The following TAF4 variants were observed in gnomAD, a reference collection of about 807,000 sequenced individuals.
TAF4 encodes transcription initiation factor TFIID subunit 4.
In TAF4, 9 loss-of-function variants were observed where a neutral mutation model predicts 90.3. The observed-to-expected ratio is 0.10, with a 90% CI of 0.06 to 0.17. The LOEUF is 0.17. Among genes scored for constraint, TAF4 ranks in the 10% least tolerant of loss-of-function variants. The pLI is 1.00. For synonymous variants in TAF4, 818 were observed against 638.9 expected (o/e 1.28, Z -4.23); for missense variants, 1,351 against 1,370.7 (o/e 0.99, Z 0.23).
At chr20:61,985,880 ACACCATCCCCGACCAAAGGAAC>A (rs1220363988) in intron 14 of TAF4, among the ~76,000 whole-genome samples, 7 of 139,534 alleles carry the variant, frequency 5.0e-5, no homozygotes, top group Admixed American at 2.1e-4. Flanking sequence ...ATGGTTCTAA[ACACCATCCCCGACCAAAGGAAC>A]CACCATCCCC....
At chr20:61,996,271 A>ACAGGTGAAGCTGC (rs2055662199) in intron 14 of TAF4, among the ~76,000 whole-genome samples, 1 of 152,074 alleles carries the variant, frequency 6.6e-6, no homozygotes, top group Non-Finnish European at 1.5e-5. Context: ...AGTCCCAGCT[A>ACAGGTGAAGCTGC]CTCGGGAAGC....
At chr20:62,028,715 G>C (rs1292937270) in intron 1 of TAF4, among the ~76,000 whole-genome samples, 2 of 152,212 alleles carry the variant, frequency 1.3e-5, no homozygotes, top group African/African-American at 4.8e-5. Context: ...CTCGTGAGCA[G>C]CCTTCAGTGA....
At chr20:62,000,378 G>C in intron 10 of TAF4, 124 bp from the exon 11 acceptor site, 1 of 1,439,280 alleles carries the variant, frequency 6.9e-7, no homozygotes. Context: ...AAAGGCTGGT[G>C]GGGTGGAAGG....
At chr20:61,978,055 G>A (rs1413991568) in intron 14 of TAF4, among the ~76,000 whole-genome samples, 1 of 130,328 alleles carries the variant, frequency 7.7e-6, no homozygotes, top group Non-Finnish European at 1.7e-5. Context: ...CCAACCAAGG[G>A]AGGGCGCGAC....
At chr20:62,021,313 A>G (rs951477571) in intron 1 of TAF4, among the ~76,000 whole-genome samples, 2 of 152,266 alleles carry the variant, frequency 1.3e-5, no homozygotes, top group Admixed American at 6.5e-5. Flanking sequence ...CTGAACCCCA[A>G]GGAAACAAGG....
intron 14 of TAF4, among the ~76,000 whole-genome samples, chr20:61,990,363 T>A (rs577405167): frequency 4.9e-4 from 75 of 152,324 alleles, no homozygotes; most frequent in African/African-American, 1.5e-3. Flanking sequence ...TTTTCAAAGT[T>A]AATGTATTCT....
At chr20:62,062,764 ACCT>A (rs916835647) in intron 1 of TAF4, among the ~76,000 whole-genome samples, 1 of 152,000 alleles carries the variant, frequency 6.6e-6, no homozygotes, top group African/African-American at 2.4e-5. Context: ...GTATTCCTTC[ACCT>A]CCTCCCAGAA....
At chr20:61,990,795 C>A (rs1645768912) in intron 14 of TAF4, among the ~76,000 whole-genome samples, 1 of 152,140 alleles carries the variant, frequency 6.6e-6, no homozygotes, top group East Asian at 1.9e-4. Flanking sequence ...TGCACAGAGC[C>A]CCGGAGCCAC....
rs530417571 is a variant in TAF4 at position 62,009,771 on chromosome 20, T to C, written c.1761+275A>G. Among the ~76,000 whole-genome samples, 21 of 152,324 alleles carry C rather than the reference T, an allele frequency of 1.4e-4. 1 individual carries two copies. In the East Asian group the frequency reaches 4.1e-3, roughly 29 times the overall value. ...AAACGGGTGGCGCTGCTGTTTTACA[T>C]ACAACGCGACAGTGCACCAGTGACT... is the stretch of plus-strand genomic sequence containing the variant. On this transcript the variant is annotated intron_variant, in intron 4 of 14. Coordinates refer to ENST00000252996, the MANE Select transcript of TAF4 (RefSeq NM_003185.4).
intron 1 of TAF4, among the ~76,000 whole-genome samples, chr20:62,049,633 G>GCCCCAGCCCCGCACCCTGCCCT (rs2056014822): frequency 1.5e-5 from 1 of 66,342 alleles, no homozygotes; most frequent in Non-Finnish European, 3.4e-5. Context: ...ATCCCTGCCT[G>GCCCCAGCCCCGCACCCTGCCCT]CCCCAGCCCC....
intron 1 of TAF4, among the ~76,000 whole-genome samples, chr20:62,056,536 C>A (rs1267984043): frequency 6.6e-6 from 1 of 152,168 alleles, no homozygotes; most frequent in Non-Finnish European, 1.5e-5. Flanking sequence ...TTGTCGCCAT[C>A]AGCACAGCAC....
rs1325932879 is a variant in TAF4 at position 62,064,572 on chromosome 20, G to C, written c.1239C>G (p.Ser413=). 1 of 1,513,306 alleles carries C rather than the reference G, an allele frequency of 6.6e-7. No individual in the cohort carries two copies. Among genetic ancestry groups the C allele is most frequent in the Non-Finnish European group, 8.8e-7 (1 of 1,136,284 alleles). The allele number at this position is 1,513,306 out of a possible 1,614,324, so 93.7% of individuals were successfully genotyped here. ...GAAGAVTQSL[S]RTPTATTSGI... is the part of the protein sequence containing the mutation. ...CGCTGGTGGTGGCCGTGGGCGTCCG[G>C]GACAGGCTCTGGGTCACTGCGCCGG... Residue 413 remains serine, a synonymous_variant, in exon 1 of 15, where the codon TCC becomes TCG. Transcript: ENST00000252996.
chr20:62,025,843 G>A (rs1429643827), intron 1 of TAF4, among the ~76,000 whole-genome samples: 1 of 152,212 alleles, frequency 6.6e-6, no homozygotes, highest in Non-Finnish European at 1.5e-5. Context: ...GGGACAAGGG[G>A]CGTGGGAGGG....
At chr20:61,990,562 A>T (rs2055625180) in intron 14 of TAF4, among the ~76,000 whole-genome samples, 1 of 152,228 alleles carries the variant, frequency 6.6e-6, no homozygotes, top group Admixed American at 6.5e-5. Context: ...CCCAGGAGCC[A>T]GCAGACTTCC....
At position 62,006,840 on chromosome 20, in the gene TAF4, T is replaced by C. The variant is rs2055749462; in HGVS notation, c.1975-82A>G. On this transcript the variant is annotated intron_variant, in intron 6 of 14. Transcript: ENST00000252996. This position sits in a 1 kb window ranked among gnomAD's most constrained non-coding sequence, Gnocchi z 7.0. ...TGCTTAAAAATTCAGAAATATCAAC[T>C]TTTACAGAAAGCTTTTGAGCTAAGT... 7.1e-7 allele frequency: 1 copy of C among 1,411,286 alleles called. No individual in the cohort carries two copies. The highest frequency in any genetic ancestry group is 2.7e-5 in the Admixed American group (1 of 37,110). 87.4% of individuals were successfully genotyped at this position (1,411,286 alleles called of 1,614,324 possible).
rs191157606 is a variant in TAF4 at position 61,996,951 on chromosome 20, G to A, written c.3090+599C>T. On this transcript the variant is annotated intron_variant, in intron 14 of 14. Coordinates refer to ENST00000252996, the MANE Select transcript of TAF4 (RefSeq NM_003185.4). Reference sequence around the variant, plus strand: ...GTGGCAGACGGAAACAGACCCACGGGAAGGAATGAAGAGTACCGGAGATGG... The same window carrying A: ...GTGGCAGACGGAAACAGACCCACGGAAAGGAATGAAGAGTACCGGAGATGG... 1.6e-4 allele frequency among the ~76,000 whole-genome samples: 25 copies of A among 152,202 alleles called. No homozygotes were observed. In the South Asian group the frequency reaches 2.7e-3, roughly 16 times the overall value.
At chr20:62,029,482 G>GCA (rs1171355797) in intron 1 of TAF4, among the ~76,000 whole-genome samples, 20 of 133,672 alleles carry the variant, frequency 1.5e-4, no homozygotes, top group African/African-American at 2.9e-4. Context: ...ACGTGCGCGC[G>GCA]CGCGCACACA....
chr20:61,994,020 G>A (rs1159521912), intron 14 of TAF4, among the ~76,000 whole-genome samples: 1 of 151,974 alleles, frequency 6.6e-6, no homozygotes, highest in South Asian at 2.1e-4. Context: ...CAAAGTGCTG[G>A]GATTACAACG....
At chr20:62,034,827 C>CTTTTCTTTTTTTTTTTTTTTTTT (rs555793597) in intron 1 of TAF4, among the ~76,000 whole-genome samples, 3 of 141,802 alleles carry the variant, frequency 2.1e-5, no homozygotes, top group African/African-American at 5.2e-5. Context: ...TCATAGATTT[C>CTTTTCTTTTTTTTTTTTTTTTTT]TTTTTTTTTT....
Sources: gnomAD v4.1 joint callset for allele counts (sites outside exome capture counted in the v4.1 genomes callset) on GRCh38, gnomAD v4.1.1 for gene constraint, Gnocchi (gnomAD v3.1) non-coding constraint, MANE v1.5 for transcripts, NCBI Gene and HGNC (gene_info 2026-07-23, HGNC 2026-07-21) for gene names.